The following MKLN1 variants were observed in gnomAD, a reference collection of about 807,000 sequenced individuals.
The protein encoded by MKLN1 is muskelin 1, also known as muskelin.
A neutral mutation model predicts 99.0 loss-of-function variants in MKLN1; 18 were observed. That is an observed-to-expected ratio of 0.18 (90% CI 0.13 to 0.27). MKLN1 has a LOEUF of 0.27. Among genes scored for constraint, MKLN1 ranks in the 10% least tolerant of loss-of-function variants. The pLI is 1.00. For missense variants in MKLN1, 621 were observed against 875.9 expected (o/e 0.71, Z 3.67); for synonymous variants, 288 against 293.2 (o/e 0.98, Z 0.18).
intron 3 of MKLN1, among the ~76,000 whole-genome samples, chr7:131,295,414 GACA>G (rs974369679): frequency 2.0e-5 from 3 of 151,846 alleles, no homozygotes; most frequent in African/African-American, 7.3e-5. Context: ...GAATAAAAAT[GACA>G]ACAACAACAA....
chr7:131,446,092 A>G (rs1446906768), intron 12 of MKLN1, among the ~76,000 whole-genome samples, 189 bp downstream of exon 12: 2 of 152,112 alleles, frequency 1.3e-5, no homozygotes, highest in Non-Finnish European at 2.9e-5. Context: ...GGGAATTACT[A>G]TTTCCTTCAA....
intron 1 of MKLN1, among the ~76,000 whole-genome samples, chr7:131,118,337 T>C (rs573014078): frequency 1.5e-4 from 23 of 152,112 alleles, no homozygotes; most frequent in Non-Finnish European, 3.4e-4. Flanking sequence ...GTGAATCACC[T>C]GAGGTCAGGA....
rs187558526 is a variant in MKLN1, at chr7:131,469,199, T to A, written c.1929-1643T>A. Among the ~76,000 whole-genome samples, 82 of 152,140 alleles carry A rather than the reference T, an allele frequency of 5.4e-4. 1 individual carries two copies. The highest frequency in any genetic ancestry group is 1.7e-3 in the African/African-American group (69 of 41,506). Reference sequence around the variant, plus strand: ...ATAGATAGATAGAGGCATAGAAAGATAGATGGATGGATGGATGGATGGATG... The same window carrying A: ...ATAGATAGATAGAGGCATAGAAAGAAAGATGGATGGATGGATGGATGGATG... On this transcript the variant is annotated intron_variant, in intron 15 of 17. Transcript: ENST00000352689.
At chr7:131,169,324 GA>G (rs1343509430) in intron 2 of MKLN1, among the ~76,000 whole-genome samples, 32 of 152,198 alleles carry the variant, frequency 2.1e-4, no homozygotes, top group Non-Finnish European at 4.4e-4. Flanking sequence ...AATTCAATCT[GA>G]AACTCGTAAT....
At chr7:131,308,261 GT>G (rs35421090) in intron 3 of MKLN1, among the ~76,000 whole-genome samples, 17,503 of 132,258 alleles carry the variant, frequency 0.13, 710 homozygotes, top group African/African-American at 0.19. Context: ...GTCTCACGTA[GT>G]TTTTTTTTTT....
rs139648847 is a variant in MKLN1 at position 131,387,103 on chromosome 7, G to T, written c.169-17G>T. The stretch of plus-strand genomic sequence containing the variant: ...TTTAAACAGAAGAGGATATAATTTG[G>T]TCGTTTCTTTTTTTAGTACTTGATT... On this transcript the variant is annotated splice_polypyrimidine_tract_variant and intron_variant, in intron 2 of 17. Transcript: ENST00000352689. 595 of 1,577,204 alleles carry T rather than the reference G, an allele frequency of 3.8e-4. 3 individuals are homozygous for T. In the African/African-American group the frequency reaches 7.6e-3, roughly 20 times the overall value.
intron 2 of MKLN1, among the ~76,000 whole-genome samples, chr7:131,380,093 G>C (rs1271667523): frequency 6.6e-6 from 1 of 152,156 alleles, no homozygotes; most frequent in African/African-American, 2.4e-5. Flanking sequence ...TATGTCTGAA[G>C]AGTGAGCGTG....
chr7:131,111,176 A>G (rs1399336439), intron 1 of MKLN1, among the ~76,000 whole-genome samples: 1 of 152,194 alleles, frequency 6.6e-6, no homozygotes, highest in African/African-American at 2.4e-5. Context: ...GGTTGATGGG[A>G]TTAACTGAAA....
At chr7:131,408,653 G>A (rs1391465947) in intron 6 of MKLN1, among the ~76,000 whole-genome samples, 1 of 152,046 alleles carries the variant, frequency 6.6e-6, no homozygotes, top group African/African-American at 2.4e-5. Flanking sequence ...TGTGCAGGCA[G>A]GATTTCTGTG....
At chr7:131,339,008 A>G (rs1432686152) in intron 1 of MKLN1, among the ~76,000 whole-genome samples, 2 of 152,328 alleles carry the variant, frequency 1.3e-5, no homozygotes, top group East Asian at 1.9e-4. Flanking sequence ...TCTTCCTTAT[A>G]GTTTTCTTAA....
intron 1 of MKLN1, among the ~76,000 whole-genome samples, chr7:131,338,633 T>C (rs1444404443): frequency 3.9e-5 from 6 of 152,248 alleles, no homozygotes; most frequent in Non-Finnish European, 7.3e-5. Flanking sequence ...CTGTGTTTAG[T>C]TCTTTTGGAA....
chr7:131,371,809 T>C (rs1793472580), intron 1 of MKLN1, among the ~76,000 whole-genome samples: 1 of 151,522 alleles, frequency 6.6e-6, no homozygotes, highest in African/African-American at 2.4e-5. Flanking sequence ...TGCTGAGAGC[T>C]GTTAATCTCC....
At chr7:131,322,080 C>T (rs931573252) in intron 3 of MKLN1, among the ~76,000 whole-genome samples, 4 of 152,258 alleles carry the variant, frequency 2.6e-5, no homozygotes, top group Non-Finnish European at 5.9e-5. Context: ...GAATTGAACT[C>T]AGGCTACAGT....
chr7:131,357,001 G>C (rs1799904610), intron 1 of MKLN1, among the ~76,000 whole-genome samples: 1 of 152,146 alleles, frequency 6.6e-6, no homozygotes, highest in African/African-American at 2.4e-5. Flanking sequence ...CCTTGGAAGA[G>C]GACCAAGTGA....
At chr7:131,457,277 C>CA (rs1232469803) in intron 12 of MKLN1, among the ~76,000 whole-genome samples, 328 of 113,754 alleles carry the variant, frequency 2.9e-3, no homozygotes, top group Admixed American at 6.8e-3. Context: ...AACTCCATCT[C>CA]AAAAAAAAAA....
At chr7:131,287,664 A>AG (rs1424962822) in intron 3 of MKLN1, among the ~76,000 whole-genome samples, 1 of 150,528 alleles carries the variant, frequency 6.6e-6, no homozygotes, top group East Asian at 2.0e-4. Flanking sequence ...TTGGCGGGGG[A>AG]GGGGGAGGAG....
chr7:131,478,676 G>T lies in MKLN1; in HGVS notation c.2085G>T (p.Leu695=), dbSNP rs572854987. Reference sequence around the variant, plus strand: ...AATCTGGTTCAGATTTTACAGCTCTGGGTAAGTATTGCAGTATAATTTATC... The same window carrying T: ...AATCTGGTTCAGATTTTACAGCTCTTGGTAAGTATTGCAGTATAATTTATC... ...LFKSGSDFTA[L]GFSDVDHTYA... The change falls in exon 17 of 18, where the codon CTG becomes CTT. Residue 695 remains leucine (L), a splice_region_variant and synonymous_variant. Coordinates refer to ENST00000352689, the MANE Select transcript of MKLN1 (RefSeq NM_013255.5). 217 of 1,602,118 alleles carry T rather than the reference G, an allele frequency of 1.4e-4. 2 individuals carry two copies. In the South Asian group the frequency reaches 1.7e-3, roughly 12 times the overall value.
chr7:131,304,555 A>G (rs1798426894), intron 3 of MKLN1, among the ~76,000 whole-genome samples: 1 of 152,174 alleles, frequency 6.6e-6, no homozygotes, highest in African/African-American at 2.4e-5. Flanking sequence ...AAATGCTTTT[A>G]TTTACAGCAG....
chr7:131,265,406 T>C (rs1797793788), intron 3 of MKLN1, among the ~76,000 whole-genome samples: 1 of 152,314 alleles, frequency 6.6e-6, no homozygotes, highest in Non-Finnish European at 1.5e-5. Flanking sequence ...TCTTTCTTCT[T>C]CTGCCTTGCT....
Sources: gnomAD v4.1 joint callset for allele counts (sites outside exome capture counted in the v4.1 genomes callset) on GRCh38, gnomAD v4.1.1 for gene constraint, MANE v1.5 for transcripts, NCBI Gene and HGNC (gene_info 2026-07-23, HGNC 2026-07-21) for gene names.